Variants in PCDH15 observed in about 807,000 individuals in gnomAD.
The protein encoded by PCDH15 is protocadherin-15.
PCDH15 carries 129 observed loss-of-function variants against 178.5 expected under a neutral mutation model. The ratio of observed to expected loss-of-function variants is 0.72; its 90% CI spans 0.63 to 0.84. PCDH15 has a LOEUF of 0.84. Among genes scored for constraint, PCDH15 ranks in the 40% least tolerant of loss-of-function variants. PCDH15 has a pLI of 0.00. For missense variants in PCDH15, 2,230 were observed against 2,099.9 expected, an observed-to-expected ratio of 1.06 and a Z score of -1.21; for synonymous variants, 800 against 732.0, an observed-to-expected ratio of 1.09 and a Z score of -1.50.
chr10:55,397,607 G>T (rs868447525), intron 2 of PCDH15, among the ~76,000 whole-genome samples: 10 of 151,848 alleles, frequency 6.6e-5, no homozygotes, highest in South Asian at 2.1e-4. Context: ...TTTTTTGATG[G>T]AGTCTTGCTC....
At chr10:55,360,234 A>C (rs905364885) in intron 2 of PCDH15, among the ~76,000 whole-genome samples, 1 of 152,040 alleles carries the variant, frequency 6.6e-6, no homozygotes, top group Admixed American at 6.6e-5. Flanking sequence ...TATATAATTT[A>C]CATTTGTCAA....
intron 1 of PCDH15, among the ~76,000 whole-genome samples, chr10:54,739,406 GATAAA>G (rs1944498280): frequency 6.6e-6 from 1 of 151,770 alleles, no homozygotes; most frequent in African/African-American, 2.4e-5. Context: ...GGAAAAGATT[GATAAA>G]ATAAATTAAA....
intron 3 of PCDH15, among the ~76,000 whole-genome samples, chr10:54,420,146 A>C (rs1955036016): frequency 6.6e-6 from 1 of 152,114 alleles, no homozygotes. Flanking sequence ...TAATTGCAGA[A>C]AAAATGTGAA....
chr10:54,171,053 G>A (rs1286521280), intron 13 of PCDH15, among the ~76,000 whole-genome samples: 1 of 152,222 alleles, frequency 6.6e-6, no homozygotes, highest in East Asian at 1.9e-4. Flanking sequence ...TCACTGGATA[G>A]GTAGAGGCCT....
chr10:55,166,950 G>A (rs1839211071), intron 1 of PCDH15, among the ~76,000 whole-genome samples: 1 of 152,052 alleles, frequency 6.6e-6, no homozygotes, highest in Non-Finnish European at 1.5e-5. Context: ...TGCATATTTG[G>A]TATGACCAGA....
At chr10:54,999,399 G>A (rs1839738294) in intron 2 of PCDH15, among the ~76,000 whole-genome samples, 2 of 152,160 alleles carry the variant, frequency 1.3e-5, no homozygotes, top group Admixed American at 6.5e-5. Flanking sequence ...TGGTATTTAT[G>A]TTCAAGGTAA....
Position 54,369,181 on chromosome 10 carries a change from C to T in PCDH15, c.413G>A (p.Arg138Lys). 6.2e-7 allele frequency: 1 copy of T among 1,613,038 alleles called. No homozygotes were observed. ...AGTGGGTGAGTTGTCATTCCTGTCTCTCACCACTATTCGCACTTCATGGTA... is the reference window on the plus strand; with the variant it reads ...AGTGGGTGAGTTGTCATTCCTGTCTTTCACCACTATTCGCACTTCATGGTA... ...IIYHEVRIVV[R>K]DRNDNSPTFK... The change falls in exon 5 of 38, where the codon AGA (arginine) becomes AAA (lysine). Residue 138 changes from arginine (R) to lysine (K), a missense_variant. Coordinates refer to ENST00000644397, the MANE Select transcript of PCDH15 (RefSeq NM_001384140.1).
rs146641739 is a variant in PCDH15 at position 55,231,476 on chromosome 10, C to T, written c.-155-64825G>A. On this transcript the variant is annotated intron_variant, in intron 1 of 5. Coordinates refer to the PCDH15 transcript ENST00000458638. Reference sequence around the variant, plus strand: ...CCACTAAGCTAATCCTTTGAGAATGCATTCTTGCTTATTATTTCATCAAAT... The same window carrying T: ...CCACTAAGCTAATCCTTTGAGAATGTATTCTTGCTTATTATTTCATCAAAT... Among the ~76,000 whole-genome samples, 431 of 152,080 alleles carry T rather than the reference C, an allele frequency of 2.8e-3. 7 individuals carry two copies. Among genetic ancestry groups the T allele is most frequent in the African/African-American group, 9.7e-3 (401 of 41,484 alleles).
chr10:55,146,192 C>T lies in PCDH15; in HGVS notation c.-80+20384G>A, dbSNP rs549873609. On this transcript the variant is annotated intron_variant, in intron 2 of 5. Coordinates refer to the PCDH15 transcript ENST00000458638. ...GCAGCAATCCTCGTGGTTAACAGCC[C>T]TATAACTTAGATTAACTTGCAACTT... 3.2e-4 allele frequency among the ~76,000 whole-genome samples: 48 copies of T among 152,066 alleles called. No homozygotes were observed. The South Asian group carries it at 9.7e-3, about 31-fold the overall frequency.
rs73252076 is a variant in PCDH15 at position 54,821,639 on chromosome 10, C to T, written c.-29+75811G>A. On this transcript the variant is annotated intron_variant, in intron 3 of 5. Transcript: ENST00000458638. The stretch of plus-strand genomic sequence containing the variant: ...TATCTTTGACTACCTCTTCACAAGA[C>T]TGCAATTTTGTGATATTAATATCTC... 3.7e-3 allele frequency among the ~76,000 whole-genome samples: 561 copies of T among 152,142 alleles called. 1 individual carries two copies. Among genetic ancestry groups the T allele is most frequent in the African/African-American group, 0.013 (539 of 41,530 alleles).
At chr10:55,597,258 T>C (rs1842955095) in intron 2 of PCDH15, 2 of 152,088 alleles carry the variant, frequency 1.3e-5, no homozygotes, top group South Asian at 2.1e-4. Flanking sequence ...ACAAGTACGT[T>C]CACGCACATA....
Position 55,494,071 on chromosome 10 carries a change from A to G in PCDH15, c.-156+133554T>C, listed in dbSNP as rs61851177. Among the ~76,000 whole-genome samples the G allele has an allele frequency of 3.4e-3, 524 of 151,912 alleles. 3 individuals carry two copies. Among genetic ancestry groups the G allele is most frequent in the Admixed American group, 5.6e-3 (86 of 15,238 alleles). The stretch of plus-strand genomic sequence containing the variant: ...CTGGAGAATAGTCTACATACATTAC[A>G]TGTTGAGATGAAAGTATAATCTGCT... On this transcript the variant is annotated intron_variant, in intron 2 of 5. Transcript: ENST00000613346.
rs10564694 is a variant in PCDH15, at chr10:54,191,751, C to CAAA, written c.1305+3929_1305+3931dup. 4.6e-3 allele frequency among the ~76,000 whole-genome samples: 597 copies of CAAA among 130,348 alleles called. 7 individuals carry two copies. Among genetic ancestry groups the CAAA allele is most frequent in the African/African-American group, 0.013 (477 of 37,874 alleles). The allele number at this position is 130,348 out of a possible 152,430, so 85.5% of individuals were successfully genotyped here. ...TGAAACACTGTCTCTACAAAAAATG[C>CAAA]AAAAAAAAAAAAAAAAAAAATTAGC... On this transcript the variant is annotated intron_variant, in intron 11 of 37. Transcript: ENST00000644397.
intron 2 of PCDH15, among the ~76,000 whole-genome samples, chr10:55,622,256 G>A (rs757226137): frequency 6.7e-6 from 1 of 148,306 alleles, no homozygotes; most frequent in Non-Finnish European, 1.5e-5. Flanking sequence ...TGATCTGCCA[G>A]CCTAGGCCTC....
intron 3 of PCDH15, among the ~76,000 whole-genome samples, chr10:54,505,526 C>A (rs1445773178): frequency 6.6e-6 from 1 of 152,028 alleles, no homozygotes; most frequent in Non-Finnish European, 1.5e-5. Flanking sequence ...GTAATGAATT[C>A]TCAGCAAATT....
intron 2 of PCDH15, among the ~76,000 whole-genome samples, chr10:54,629,577 G>A (rs2134652557): frequency 6.6e-6 from 1 of 151,956 alleles, no homozygotes; most frequent in East Asian, 1.9e-4. Context: ...AACAAACTAG[G>A]CATTAAACAT....
intron 29 of PCDH15, 121 bp from the exon 30 acceptor site, chr10:53,831,654 A>C (rs1172782644): frequency 1.4e-6 from 1 of 704,974 alleles, no homozygotes; most frequent in Non-Finnish European, 2.4e-6. Flanking sequence ...CTGAGTCAGA[A>C]GTCTCATGAA....
intron 2 of PCDH15, among the ~76,000 whole-genome samples, chr10:54,543,039 G>A (rs1375128858): frequency 6.6e-6 from 1 of 152,176 alleles, no homozygotes; most frequent in East Asian, 1.9e-4. Context: ...ACACTGGCAC[G>A]CGTGCAGGCC....
rs1288856155 is a variant in PCDH15, at chr10:54,027,813, C to T, written c.2221-4616G>A. On this transcript the variant is annotated intron_variant, in intron 18 of 37. Transcript: ENST00000644397. ...ATTCAAGATGGATTAAAGACTTAAA[C>T]GTTAGACCTAAAACCATAAAAACCA... Among the ~76,000 whole-genome samples the T allele has an allele frequency of 5.0e-5, 7 of 138,954 alleles. No individual in the cohort carries two copies. The South Asian group carries it at 1.2e-3, about 24-fold the overall frequency. The allele number at this position is 138,954 out of a possible 152,430, so 91.2% of individuals were successfully genotyped here.
Sources: gnomAD v4.1 joint callset for allele counts (sites outside exome capture counted in the v4.1 genomes callset) on GRCh38, gnomAD v4.1.1 for gene constraint, MANE v1.5 for transcripts, NCBI Gene and HGNC (gene_info 2026-07-23, HGNC 2026-07-21) for gene names.